KLF12: variants seen among roughly 807,000 people sequenced by gnomAD.
The protein encoded by KLF12 is KLF transcription factor 12.
KLF12 carries 9 observed loss-of-function variants against 37.8 expected under a neutral mutation model. The observed-to-expected ratio is 0.24, with a 90% CI of 0.14 to 0.42. The LOEUF is 0.42. Among genes scored for constraint, KLF12 ranks in the 10% least tolerant of loss-of-function variants. The pLI, the probability that KLF12 is intolerant of heterozygous loss-of-function variation, is 1.00. For synonymous variants in KLF12, 208 were observed against 202.1 expected, an observed-to-expected ratio of 1.03 and a Z score of -0.25; for missense variants, 411 against 516.0, an observed-to-expected ratio of 0.80 and a Z score of 1.97.
the KLF12 span, among the ~76,000 whole-genome samples, chr13:74,282,822 A>C: frequency 2.6e-5 from 4 of 152,164 alleles, no homozygotes; most frequent in Non-Finnish European, 5.9e-5. Flanking sequence ...CGTGTGACTT[A>C]GGGCAAGGCA....
chr13:74,198,291 C>T, the KLF12 span, among the ~76,000 whole-genome samples: 2 of 152,096 alleles, frequency 1.3e-5, no homozygotes, highest in Non-Finnish European at 2.9e-5. Context: ...GTGGGTGTGG[C>T]TTTCAAAGGC....
chr13:74,134,667 G>A (rs1054913617), upstream of KLF12, among the ~76,000 whole-genome samples: 7 of 152,114 alleles, frequency 4.6e-5, no homozygotes, highest in Non-Finnish European at 2.9e-5. Flanking sequence ...CGTCGGCCGA[G>A]GGGGCCCGCG....
upstream of KLF12, among the ~76,000 whole-genome samples, chr13:74,137,725 G>C (rs1243261373): frequency 6.6e-6 from 1 of 151,858 alleles, no homozygotes; most frequent in African/African-American, 2.4e-5. Flanking sequence ...TAAAATTAGT[G>C]GTTAGAAAAA....
chr13:73,905,891 C>T (rs763124174), intron 3 of KLF12, among the ~76,000 whole-genome samples: 16 of 152,150 alleles, frequency 1.1e-4, no homozygotes, highest in Non-Finnish European at 2.2e-4. Flanking sequence ...CCTCAAATTA[C>T]TTCATTTCAC....
chr13:73,912,485 G>C (rs553760678), intron 3 of KLF12, among the ~76,000 whole-genome samples: 1 of 152,250 alleles, frequency 6.6e-6, no homozygotes, highest in South Asian at 2.1e-4. Context: ...AAGAACAGGA[G>C]AAGAAACACA....
chr13:74,200,515 C>A, the KLF12 span, among the ~76,000 whole-genome samples: 1 of 151,956 alleles, frequency 6.6e-6, no homozygotes, highest in African/African-American at 2.4e-5. Flanking sequence ...ATTAGATAGC[C>A]GGTAGAGTGG....
At chr13:73,994,556 G>A (rs1892055941) in intron 2 of KLF12, among the ~76,000 whole-genome samples, 1 of 151,412 alleles carries the variant, frequency 6.6e-6, no homozygotes, top group South Asian at 2.1e-4. Context: ...TAGGAGAAAA[G>A]CAGAGACTTC....
chr13:73,721,468 TA>T (rs1177056569), intron 6 of KLF12, among the ~76,000 whole-genome samples: 1 of 152,188 alleles, frequency 6.6e-6, no homozygotes, highest in East Asian at 1.9e-4. Context: ...TTTAAAAAGG[TA>T]AACCGTTCTG....
chr13:73,781,401 TG>T (rs1880957235), intron 5 of KLF12, among the ~76,000 whole-genome samples: 1 of 152,222 alleles, frequency 6.6e-6, no homozygotes, highest in Non-Finnish European at 1.5e-5. Flanking sequence ...TTTATTTTTT[TG>T]TAACTTTTCT....
chr13:74,249,775 G>A, the KLF12 span, among the ~76,000 whole-genome samples: 1 of 152,130 alleles, frequency 6.6e-6, no homozygotes, highest in East Asian at 1.9e-4. Flanking sequence ...GGGGTCCTTG[G>A]AGAATTTTTT....
rs191123032 is a variant in KLF12 at position 73,739,342 on chromosome 13, G to C, written c.870-23817C>G. ...TAACATGCAAAGCATCTGAAGCAGT[G>C]CCTGGTAAATACCTTAACAAATGTT... On this transcript the variant is annotated intron_variant, in intron 6 of 7. Transcript: ENST00000377669. Among the ~76,000 whole-genome samples, 335 of 152,000 alleles carry C rather than the reference G, an allele frequency of 2.2e-3. 1 individual carries two copies. The highest frequency in any genetic ancestry group is 7.8e-3 in the African/African-American group (324 of 41,444).
chr13:73,734,491 A>G (rs117843803), intron 6 of KLF12, among the ~76,000 whole-genome samples: 1,994 of 152,248 alleles, frequency 0.013, 27 homozygotes, highest in South Asian at 0.076. Flanking sequence ...CTGTTGATAG[A>G]GGCTTAATAG....
intron 1 of KLF12, among the ~76,000 whole-genome samples, chr13:74,005,264 G>A (rs1892381464): frequency 1.3e-5 from 2 of 151,888 alleles, no homozygotes; most frequent in South Asian, 2.1e-4. Flanking sequence ...AAACTTCAAC[G>A]CTGTCAAATA....
intron 5 of KLF12, among the ~76,000 whole-genome samples, chr13:73,773,154 AG>A: frequency 6.6e-6 from 1 of 152,336 alleles, no homozygotes; most frequent in African/African-American, 2.4e-5. Context: ...TAGAGACCTG[AG>A]TATCCTTAGC....
At chr13:74,100,924 T>C (rs1474965010) in intron 1 of KLF12, among the ~76,000 whole-genome samples, 1 of 152,116 alleles carries the variant, frequency 6.6e-6, no homozygotes, top group Non-Finnish European at 1.5e-5. Flanking sequence ...AGAAAAGTTC[T>C]TTCAAAAGAA....
intron 1 of KLF12, among the ~76,000 whole-genome samples, chr13:73,997,459 G>A (rs931851409): frequency 2.6e-5 from 4 of 152,040 alleles, no homozygotes; most frequent in African/African-American, 9.7e-5. Flanking sequence ...CCTAGATATC[G>A]AATAGGAAAT....
intron 6 of KLF12, among the ~76,000 whole-genome samples, chr13:73,764,136 TAATTC>T (rs1388541840): frequency 1.3e-5 from 2 of 152,204 alleles, no homozygotes; most frequent in African/African-American, 4.8e-5. Flanking sequence ...ATTCTAACTA[TAATTC>T]AATGAAGTAA....
chr13:74,181,354 C>T, the KLF12 span, among the ~76,000 whole-genome samples: 1 of 139,996 alleles, frequency 7.1e-6, no homozygotes. Flanking sequence ...AAAACATTGA[C>T]AAAAGTGAAA....
intron 6 of KLF12, among the ~76,000 whole-genome samples, chr13:73,739,680 C>CT (rs984341570): frequency 4.6e-5 from 7 of 151,396 alleles, no homozygotes; most frequent in South Asian, 4.2e-4. Flanking sequence ...CTAGAGTCTC[C>CT]TTTTTTTTTC....
Sources: gnomAD v4.1 joint callset for allele counts (sites outside exome capture counted in the v4.1 genomes callset) on GRCh38, gnomAD v4.1.1 for gene constraint, MANE v1.5 for transcripts, NCBI Gene and HGNC (gene_info 2026-07-23, HGNC 2026-07-21) for gene names.